Variants in MAP3K13 observed in about 807,000 individuals in gnomAD.
MAP3K13 encodes mitogen-activated protein kinase kinase kinase 13.
MAP3K13 carries 52 observed loss-of-function variants against 104.0 expected under a neutral mutation model. The ratio of observed to expected loss-of-function variants is 0.50; its 90% CI spans 0.40 to 0.63. The LOEUF (loss-of-function observed/expected upper bound fraction) is 0.63, where lower values mean the gene tolerates loss of function less well. Ranked by LOEUF, MAP3K13 falls within the 20% of genes least tolerant of loss-of-function variation. MAP3K13 has a pLI of 0.00. For missense variants in MAP3K13, 914 were observed against 1,218.5 expected (o/e 0.75, Z 3.72); for synonymous variants, 394 against 442.2 (o/e 0.89, Z 1.37).
intron 2 of MAP3K13, among the ~76,000 whole-genome samples, chr3:185,355,114 T>C (rs1270734659): frequency 6.6e-6 from 1 of 152,152 alleles, no homozygotes; most frequent in Non-Finnish European, 1.5e-5. Flanking sequence ...TAGGACCAGA[T>C]TTGCTCCCAA....
intron 2 of MAP3K13, among the ~76,000 whole-genome samples, chr3:185,307,550 C>CA (rs1560041681): frequency 5.2e-5 from 7 of 133,690 alleles, no homozygotes; most frequent in African/African-American, 8.9e-5. Context: ...CACCCCCTCC[C>CA]CCGCCACCCC....
At chr3:185,407,710 C>G (rs1388887804) in intron 1 of MAP3K13, among the ~76,000 whole-genome samples, 1 of 152,058 alleles carries the variant, frequency 6.6e-6, no homozygotes, top group Non-Finnish European at 1.5e-5. Context: ...CTTCCCCACA[C>G]CTTGCCCCTA....
intron 2 of MAP3K13, among the ~76,000 whole-genome samples, chr3:185,291,242 A>G (rs1004069055): frequency 6.6e-6 from 1 of 152,208 alleles, no homozygotes; most frequent in African/African-American, 2.4e-5. Context: ...ATGCTTTCAG[A>G]GATCAAAAGC....
exon 2 of MAP3K13, chr3:185,285,551 T>C (rs563697947): frequency 2.1e-6 from 3 of 1,419,960 alleles, no homozygotes; most frequent in East Asian, 2.5e-5. Flanking sequence ...GACTCTAAAA[T>C]GGACTTCATT....
intron 1 of MAP3K13, among the ~76,000 whole-genome samples, chr3:185,387,803 G>T (rs183241062): frequency 1.2e-4 from 19 of 152,212 alleles, no homozygotes; most frequent in African/African-American, 4.3e-4. Flanking sequence ...AGCATGGGAA[G>T]TCCTAGCCTG....
At chr3:185,453,726 G>A (rs1450123768) in intron 7 of MAP3K13, among the ~76,000 whole-genome samples, 7 of 148,050 alleles carry the variant, frequency 4.7e-5, no homozygotes, top group Admixed American at 2.1e-4. Flanking sequence ...CTGAGATCAC[G>A]CCACTGCACT....
chr3:185,416,690 G>A (rs893315538), intron 1 of MAP3K13, among the ~76,000 whole-genome samples: 1 of 152,050 alleles, frequency 6.6e-6, no homozygotes, highest in East Asian at 1.9e-4. Context: ...GTACAGTGGC[G>A]CAATCATGGC....
chr3:185,394,981 T>C (rs1446345024), intron 1 of MAP3K13, among the ~76,000 whole-genome samples: 3 of 152,212 alleles, frequency 2.0e-5, no homozygotes, highest in Non-Finnish European at 4.4e-5. Flanking sequence ...TTCATGGAAG[T>C]TGATATTTTT....
chr3:185,365,133 A>G (rs755913212), intron 1 of MAP3K13, among the ~76,000 whole-genome samples: 1 of 152,226 alleles, frequency 6.6e-6, no homozygotes, highest in Non-Finnish European at 1.5e-5. Flanking sequence ...TACTAAAGTA[A>G]AACTGTTACT....
chr3:185,414,649 G>T (rs1347394448), intron 1 of MAP3K13, among the ~76,000 whole-genome samples: 1 of 152,068 alleles, frequency 6.6e-6, no homozygotes, highest in Non-Finnish European at 1.5e-5. Context: ...AGCTTTGTGA[G>T]AACTTTCATA....
At chr3:185,373,019 CT>C (rs1724233179) in intron 1 of MAP3K13, among the ~76,000 whole-genome samples, 1 of 152,152 alleles carries the variant, frequency 6.6e-6, no homozygotes, top group African/African-American at 2.4e-5. Context: ...CCCAGAAATT[CT>C]TTACATTGAC....
chr3:185,397,333 G>A (rs1375755779), intron 1 of MAP3K13, among the ~76,000 whole-genome samples: 4 of 152,194 alleles, frequency 2.6e-5, no homozygotes, highest in Non-Finnish European at 5.9e-5. Flanking sequence ...GTTTGCAGAT[G>A]AGGAAATTGA....
Position 185,418,453 on chromosome 3 carries a change from C to T in MAP3K13, c.-85-10044C>T. 6 of 1,610,698 alleles carry T rather than the reference C, an allele frequency of 3.7e-6. No individual in the cohort carries two copies. The highest frequency in any genetic ancestry group is 4.5e-5 in the East Asian group (2 of 44,866). On this transcript the variant is annotated intron_variant, in intron 1 of 13. Transcript: ENST00000265026. This position sits in a 1 kb window ranked among gnomAD's most constrained non-coding sequence, Gnocchi z 4.5. Reference sequence around the variant, plus strand: ...TGTGTTCACTCTACGATGCCAACGGCGCCAGGTTTTGGTTGGTGCAAACCT... The same window carrying T: ...TGTGTTCACTCTACGATGCCAACGGTGCCAGGTTTTGGTTGGTGCAAACCT...
intron 1 of MAP3K13, among the ~76,000 whole-genome samples, chr3:185,426,114 G>A (rs145401457): frequency 2.9e-4 from 44 of 151,664 alleles, no homozygotes; most frequent in Non-Finnish European, 5.7e-4. Flanking sequence ...GGAGTCTCAC[G>A]CTGTCGCCCA....
chr3:185,357,516 GAGTAA>G (rs1232731668), intron 2 of MAP3K13, among the ~76,000 whole-genome samples: 18 of 151,350 alleles, frequency 1.2e-4, no homozygotes, highest in Admixed American at 9.2e-4. Flanking sequence ...CTATGTGGAT[GAGTAA>G]AGTAATCTAT....
At chr3:185,444,269 G>A (rs922055754) in intron 4 of MAP3K13, among the ~76,000 whole-genome samples, 2 of 152,118 alleles carry the variant, frequency 1.3e-5, no homozygotes, top group South Asian at 2.1e-4. Context: ...CTAGGAGGAG[G>A]AGGTTGCAGT....
intron 1 of MAP3K13, among the ~76,000 whole-genome samples, chr3:185,380,452 A>G (rs1366656473): frequency 1.4e-5 from 2 of 147,500 alleles, no homozygotes; most frequent in Admixed American, 1.4e-4. Context: ...CAGAGGTTGC[A>G]GTGAGCCGAG....
chr3:185,331,062 T>C (rs892677782), intron 2 of MAP3K13, among the ~76,000 whole-genome samples: 3 of 148,464 alleles, frequency 2.0e-5, no homozygotes, highest in Admixed American at 6.7e-5. Context: ...ACTTCCACCA[T>C]AACACTTTTT....
intron 2 of MAP3K13, among the ~76,000 whole-genome samples, chr3:185,326,466 C>T (rs1054199911): frequency 6.6e-5 from 10 of 152,088 alleles, no homozygotes; most frequent in African/African-American, 1.9e-4. Context: ...CAAGAAAGCC[C>T]GTCCTTACAG....
Sources: gnomAD v4.1 joint callset for allele counts (sites outside exome capture counted in the v4.1 genomes callset) on GRCh38, gnomAD v4.1.1 for gene constraint, Gnocchi (gnomAD v3.1) non-coding constraint, MANE v1.5 for transcripts, NCBI Gene and HGNC (gene_info 2026-07-23, HGNC 2026-07-21) for gene names.